The following SWAP70 variants were observed in gnomAD, a reference collection of about 807,000 sequenced individuals.
SWAP70 encodes switch-associated protein 70.
SWAP70 carries 34 observed loss-of-function variants against 80.2 expected under a neutral mutation model. The ratio of observed to expected loss-of-function variants is 0.42; its 90% CI spans 0.32 to 0.56. The LOEUF (loss-of-function observed/expected upper bound fraction) is 0.56, where lower values mean the gene tolerates loss of function less well. Ranked by LOEUF, SWAP70 falls within the 20% of genes least tolerant of loss-of-function variation. The pLI is 0.09. For missense variants in SWAP70, 578 were observed against 690.7 expected, an observed-to-expected ratio of 0.84 and a Z score of 1.83; for synonymous variants, 239 against 238.5, an observed-to-expected ratio of 1.00 and a Z score of -0.02.
chr11:9,664,381 G>T lies in SWAP70; in HGVS notation c.99+103G>T, dbSNP rs975417735. 7.7e-5 allele frequency: 104 copies of T among 1,359,022 alleles called. No homozygotes were observed. In the African/African-American group the frequency reaches 9.2e-4, roughly 12 times the overall value. The allele number at this position is 1,359,022 out of a possible 1,614,324, so 84.2% of individuals were successfully genotyped here. A position where few individuals can be genotyped will look rare whatever the true frequency, so the allele number is the denominator to read the frequency against. On this transcript the variant is annotated intron_variant, in intron 1 of 11. Coordinates refer to ENST00000318950, the MANE Select transcript of SWAP70 (RefSeq NM_015055.4). ...TGGCGGGCCGTGACCGCAGGGCGGG[G>T]CGGGTCGGAATGCGCCCGGTAGGCC... is the stretch of plus-strand genomic sequence containing the variant.
Position 9,703,985 on chromosome 11 carries a change from A to G in SWAP70, c.241-9481A>G, listed in dbSNP as rs557534124. Among the ~76,000 whole-genome samples, 109 of 152,316 alleles carry G rather than the reference A, an allele frequency of 7.2e-4. 1 individual carries two copies. The highest frequency in any genetic ancestry group is 2.6e-3 in the African/African-American group (107 of 41,572). On this transcript the variant is annotated intron_variant, in intron 2 of 11. Transcript: ENST00000318950. Reference sequence around the variant, plus strand: ...CTTCTTGGCTCTTGCTCTGGTTTAAATGGTTTTATGAAACTATAAAACCAT... The same window carrying G: ...CTTCTTGGCTCTTGCTCTGGTTTAAGTGGTTTTATGAAACTATAAAACCAT...
chr11:9,741,938 TAA>T lies in SWAP70; in HGVS notation c.1355+1610_1355+1611del, dbSNP rs570386980. ...GAGCAACATGGTGAAACCTCATCTT[TAA>T]AAAAAAAAAAAAAAAAAAGTCTACT... On this transcript the variant is annotated intron_variant, in intron 9 of 11. Transcript: ENST00000318950. The T allele has an allele frequency of 6.2e-4, 51 of 81,936 alleles. 2 individuals carry two copies. Among genetic ancestry groups the T allele is most frequent in the African/African-American group, 1.4e-3 (32 of 23,190 alleles). The allele number at this position is 81,936 out of a possible 1,614,324, so 5.1% of individuals were successfully genotyped here.
At chr11:9,721,314 GA>G (rs1851132438) in intron 3 of SWAP70, among the ~76,000 whole-genome samples, 1 of 152,104 alleles carries the variant, frequency 6.6e-6, no homozygotes, top group African/African-American at 2.4e-5. Flanking sequence ...ACAAGAGAAA[GA>G]AAAGATCTAA....
intron 3 of SWAP70, among the ~76,000 whole-genome samples, chr11:9,724,054 A>G (rs1851175510): frequency 6.6e-6 from 1 of 152,204 alleles, no homozygotes; most frequent in Non-Finnish European, 1.5e-5. Context: ...GATTATAGGC[A>G]TGAGCCACTG....
At chr11:9,693,865 A>G (rs1457240776) in intron 1 of SWAP70, among the ~76,000 whole-genome samples, 1 of 151,610 alleles carries the variant, frequency 6.6e-6, no homozygotes, top group African/African-American at 2.4e-5. Flanking sequence ...ACAAATTAGT[A>G]AAAGACCACA....
rs1051994568 is a variant in SWAP70 at position 9,694,056 on chromosome 11, C to G, written c.100-90C>G. The G allele has an allele frequency of 3.5e-6, 5 of 1,422,662 alleles. No individual in the cohort carries two copies. The East Asian group carries it at 1.3e-4, about 36-fold the overall frequency. The allele number at this position is 1,422,662 out of a possible 1,614,324, so 88.1% of individuals were successfully genotyped here. A position where few individuals can be genotyped will look rare whatever the true frequency, so the allele number is the denominator to read the frequency against. On this transcript the variant is annotated intron_variant, in intron 1 of 11. Coordinates refer to ENST00000318950, the MANE Select transcript of SWAP70 (RefSeq NM_015055.4). ...TAGTTTATTTTCCATCTTTCTCTACCCAGGAGAGGGAGCAGCATGTTGTAC... is the reference window on the plus strand; with the variant it reads ...TAGTTTATTTTCCATCTTTCTCTACGCAGGAGAGGGAGCAGCATGTTGTAC...
Position 9,744,699 on chromosome 11 carries a change from G to A in SWAP70, c.1356-3159G>A, listed in dbSNP as rs575995587. ...GAGGCGGGCGGATCCCTTGAGGCTC[G>A]GAGTTTGAGACCAGCCTGGCCAGCA... On this transcript the variant is annotated intron_variant, in intron 9 of 11. Transcript: ENST00000318950. Among the ~76,000 whole-genome samples the A allele has an allele frequency of 2.6e-5, 4 of 152,120 alleles. No individual in the cohort carries two copies. The South Asian group carries it at 8.3e-4, about 32-fold the overall frequency.
rs745500732 is a variant in SWAP70 at position 9,694,241 on chromosome 11, C to T, written c.195C>T (p.Ser65=). The T allele has an allele frequency of 7.4e-6, 12 of 1,612,952 alleles. No homozygotes were observed. The highest frequency in any genetic ancestry group is 1.0e-5 in the Non-Finnish European group (12 of 1,179,584). Residue 65 remains serine, a synonymous_variant, in exon 2 of 12, where the codon TCC becomes TCT. Transcript: ENST00000318950. Reference sequence around the variant, plus strand: ...GGGATGATGATGAGGGTCCAGTGTCCAACCAGGGCTACATGCCTTATTTAA... The same window carrying T: ...GGGATGATGATGAGGGTCCAGTGTCTAACCAGGGCTACATGCCTTATTTAA... ...HFRDDDEGPV[S]NQGYMPYLNR...
intron 9 of SWAP70, chr11:9,742,040 C>A (rs1851447325): frequency 6.7e-6 from 1 of 149,702 alleles, no homozygotes; most frequent in Non-Finnish European, 1.5e-5. Flanking sequence ...CACCACTGTA[C>A]TACAGCCTGG....
At chr11:9,730,996 T>G (rs58285683) in intron 6 of SWAP70, among the ~76,000 whole-genome samples, 2,700 of 152,256 alleles carry the variant, frequency 0.018, 82 homozygotes, top group African/African-American at 0.062. Context: ...GAGTACCCAG[T>G]TTTTAGCTCC....
intron 1 of SWAP70, among the ~76,000 whole-genome samples, chr11:9,671,074 C>A (rs1313026844): frequency 4.5e-5 from 6 of 133,800 alleles, no homozygotes; most frequent in African/African-American, 1.4e-4. Flanking sequence ...TTTATATATA[C>A]AAATATAAAT....
intron 1 of SWAP70, among the ~76,000 whole-genome samples, chr11:9,675,626 C>G (rs1037393620): frequency 1.3e-5 from 2 of 151,896 alleles, no homozygotes; most frequent in Non-Finnish European, 2.9e-5. Context: ...TAGGTTTTCT[C>G]GAATCTTTAA....
chr11:9,702,206 T>G (rs986429558), intron 2 of SWAP70, among the ~76,000 whole-genome samples: 7 of 152,108 alleles, frequency 4.6e-5, no homozygotes, highest in African/African-American at 1.7e-4. Context: ...AAGTGTAGTC[T>G]CAAGTTTCTT....
At chr11:9,671,106 A>G (rs1366269137) in intron 1 of SWAP70, among the ~76,000 whole-genome samples, 1 of 137,252 alleles carries the variant, frequency 7.3e-6, no homozygotes, top group East Asian at 2.0e-4. Flanking sequence ...TAAATATATA[A>G]ATATAAAAAT....
chr11:9,677,467 C>T (rs1190769472), intron 1 of SWAP70, among the ~76,000 whole-genome samples: 1 of 152,064 alleles, frequency 6.6e-6, no homozygotes, highest in Non-Finnish European at 1.5e-5. Context: ...TTTCCCTTAA[C>T]CCTTGGCCCA....
At chr11:9,678,575 C>G (rs1250706226) in intron 1 of SWAP70, among the ~76,000 whole-genome samples, 1 of 132,674 alleles carries the variant, frequency 7.5e-6, no homozygotes, top group African/African-American at 2.9e-5. Flanking sequence ...GGTATTTGAC[C>G]TTCCATCTTA....
In SWAP70 at chr11:9,740,423, T is replaced by C. The variant is rs756678524; in HGVS notation, c.1355+76T>C. On this transcript the variant is annotated intron_variant, in intron 9 of 11. Transcript: ENST00000318950. ...TACAGTTTCTTGGAATGACTAACACTCTGGTGGAGAGGGAGAAGTGTCTCT... is the reference window on the plus strand; with the variant it reads ...TACAGTTTCTTGGAATGACTAACACCCTGGTGGAGAGGGAGAAGTGTCTCT... 4 of 1,434,068 alleles carry C rather than the reference T, an allele frequency of 2.8e-6. No homozygotes were observed. In the East Asian group the frequency reaches 9.1e-5, roughly 33 times the overall value. The allele number at this position is 1,434,068 out of a possible 1,614,324, so 88.8% of individuals were successfully genotyped here. A position where few individuals can be genotyped will look rare whatever the true frequency, so the allele number is the denominator to read the frequency against.
At chr11:9,701,196 A>T (rs746707774) in intron 2 of SWAP70, among the ~76,000 whole-genome samples, 4 of 150,756 alleles carry the variant, frequency 2.7e-5, no homozygotes, top group African/African-American at 4.9e-5. Context: ...TTTTGAGACA[A>T]GTCTTACTCT....
intron 1 of SWAP70, among the ~76,000 whole-genome samples, chr11:9,677,624 A>G (rs1002398494): frequency 6.6e-6 from 1 of 152,158 alleles, no homozygotes; most frequent in African/African-American, 2.4e-5. Flanking sequence ...ATTTTTTGCA[A>G]CCTCTGTTAT....
Sources: allele counts gnomAD v4.1 joint callset (sites outside exome capture counted in the v4.1 genomes callset), GRCh38; gene constraint gnomAD v4.1.1; transcripts MANE v1.5; gene names NCBI Gene and HGNC (gene_info 2026-07-23, HGNC 2026-07-21).